The following CDK14 variants were observed in gnomAD, a reference collection of about 807,000 sequenced individuals.
The protein encoded by CDK14 is cyclin dependent kinase 14, also known as cyclin-dependent kinase 14.
Under a neutral mutation model 60.7 loss-of-function variants are expected in CDK14, and 34 were observed. The observed-to-expected ratio is 0.56, with a 90% confidence interval of 0.43 to 0.75. CDK14 has a LOEUF of 0.75. Among genes scored for constraint, CDK14 ranks in the 30% least tolerant of loss-of-function variants. CDK14 has a pLI of 0.00. For missense variants in CDK14, 482 were observed against 564.1 expected (o/e 0.85, Z 1.47); for synonymous variants, 197 against 203.7 (o/e 0.97, Z 0.28).
At chr7:90,776,308 G>A (rs1039317976) in intron 4 of CDK14, among the ~76,000 whole-genome samples, 2 of 152,240 alleles carry the variant, frequency 1.3e-5, no homozygotes, top group South Asian at 2.1e-4. Flanking sequence ...CTCAAGGGCT[G>A]TATGCATGTT....
At chr7:90,658,678 A>T (rs945065071) in intron 2 of CDK14, among the ~76,000 whole-genome samples, 8 of 152,272 alleles carry the variant, frequency 5.3e-5, no homozygotes, top group South Asian at 2.1e-4. Flanking sequence ...TGGATAGGAC[A>T]CATTTTGTTT....
At chr7:90,604,356 C>T (rs576496150) in intron 2 of CDK14, 107 bp downstream of exon 2, 7 of 560,694 alleles carry the variant, frequency 1.2e-5, no homozygotes, top group African/African-American at 2.0e-5. Flanking sequence ...CTTTAAAACG[C>T]GAGATAACAT....
At chr7:91,112,152 C>G (rs982985082) in intron 12 of CDK14, among the ~76,000 whole-genome samples, 7 of 152,018 alleles carry the variant, frequency 4.6e-5, no homozygotes, top group African/African-American at 1.7e-4. Flanking sequence ...TATTTTAATT[C>G]TTTAGTATTT....
Position 91,162,684 on chromosome 7 carries a change from T to G in CDK14, c.*28+44476T>G, listed in dbSNP as rs536591943. On this transcript the variant is annotated intron_variant, in intron 14 of 14. Coordinates refer to ENST00000380050, the MANE Select transcript of CDK14 (RefSeq NM_001287135.2). ...CCTCTCTACACTTCTGGTTCCTCAT[T>G]TACCATATGAAGAAAATAATAGTCA... Among the ~76,000 whole-genome samples the G allele has an allele frequency of 3.3e-5, 5 of 152,318 alleles. No individual in the cohort carries two copies. The South Asian group carries it at 1.0e-3, about 32-fold the overall frequency.
At chr7:91,033,075 C>T (rs1219127700) in intron 10 of CDK14, among the ~76,000 whole-genome samples, 3 of 152,130 alleles carry the variant, frequency 2.0e-5, no homozygotes, top group Non-Finnish European at 2.9e-5. Context: ...TTGACATACG[C>T]GTGAGGATTT....
chr7:90,787,296 C>T (rs1805635743), intron 4 of CDK14, among the ~76,000 whole-genome samples: 1 of 150,956 alleles, frequency 6.6e-6, no homozygotes, highest in African/African-American at 2.4e-5. Flanking sequence ...CTGCTGGATG[C>T]AAAAAGGTTA....
At chr7:91,045,808 A>C in intron 10 of CDK14, 89 bp from the exon 11 acceptor site, 1 of 777,710 alleles carries the variant, frequency 1.3e-6, no homozygotes, top group South Asian at 1.6e-5. Flanking sequence ...GAGTTTCATA[A>C]TATGTAGTGT....
intron 5 of CDK14, among the ~76,000 whole-genome samples, chr7:90,855,259 A>G (rs897569176): frequency 6.6e-6 from 1 of 152,228 alleles, no homozygotes; most frequent in Non-Finnish European, 1.5e-5. Flanking sequence ...AGAGATCCTT[A>G]ATATACATAT....
chr7:91,190,076 C>T (rs868324973), intron 14 of CDK14, among the ~76,000 whole-genome samples: 4 of 152,188 alleles, frequency 2.6e-5, no homozygotes, highest in Non-Finnish European at 5.9e-5. Context: ...ATAGACATGA[C>T]AGACATTGTA....
intron 8 of CDK14, among the ~76,000 whole-genome samples, chr7:90,947,493 C>T (rs948491213): frequency 2.0e-5 from 3 of 152,136 alleles, no homozygotes; most frequent in South Asian, 2.1e-4. Flanking sequence ...AATAATCTTA[C>T]GACACTCTAA....
At chr7:90,965,014 A>G (rs1350997788) in intron 9 of CDK14, among the ~76,000 whole-genome samples, 1 of 152,204 alleles carries the variant, frequency 6.6e-6, no homozygotes, top group African/African-American at 2.4e-5. Context: ...TCTCAAACAC[A>G]ACAGCAAATC....
chr7:91,040,880 GAT>G (rs1175876029), intron 10 of CDK14, among the ~76,000 whole-genome samples: 2 of 152,256 alleles, frequency 1.3e-5, no homozygotes, highest in African/African-American at 2.4e-5. Context: ...TGGAACTAGT[GAT>G]AGTTTAGAAA....
intron 11 of CDK14, among the ~76,000 whole-genome samples, chr7:91,058,837 T>G (rs1211718174): frequency 6.6e-6 from 1 of 152,244 alleles, no homozygotes; most frequent in Admixed American, 6.5e-5. Context: ...TGCATCAATG[T>G]TTATCACGGA....
chr7:91,132,942 ATTATT>A (rs1405963271), intron 14 of CDK14, among the ~76,000 whole-genome samples: 1 of 152,162 alleles, frequency 6.6e-6, no homozygotes, highest in Non-Finnish European at 1.5e-5. Context: ...TAATATGTAA[ATTATT>A]TTAAGTTAAA....
chr7:90,902,902 A>G (rs1792562884), intron 7 of CDK14, among the ~76,000 whole-genome samples: 1 of 152,112 alleles, frequency 6.6e-6, no homozygotes, highest in Non-Finnish European at 1.5e-5. Context: ...AGCAAAAGAA[A>G]CAAACTCGTT....
intron 10 of CDK14, 127 bp downstream of exon 10, chr7:90,984,368 A>T (rs1795319838): frequency 1.5e-6 from 1 of 655,486 alleles, no homozygotes; most frequent in Admixed American, 2.5e-5. Context: ...GTTCTAACAT[A>T]TTTTGGACCT....
chr7:90,819,485 GT>G (rs898527048), intron 5 of CDK14, among the ~76,000 whole-genome samples: 1,453 of 143,516 alleles, frequency 0.01, 12 homozygotes, highest in Non-Finnish European at 0.013. Flanking sequence ...TCCCTTTGGA[GT>G]TTTTTTTTTT....
chr7:90,666,248 T>C (rs187575886), intron 2 of CDK14: 1 of 152,314 alleles, frequency 6.6e-6, no homozygotes, highest in African/African-American at 2.4e-5. Flanking sequence ...AGCTCAGATA[T>C]CTTTTCTTAA....
At chr7:90,818,355 T>C (rs1243229168) in intron 5 of CDK14, among the ~76,000 whole-genome samples, 18 of 152,204 alleles carry the variant, frequency 1.2e-4, no homozygotes, top group Admixed American at 1.2e-3. Flanking sequence ...AAAATATTTT[T>C]AAGTTGTTGC....
Sources: allele counts gnomAD v4.1 joint callset (sites outside exome capture counted in the v4.1 genomes callset), GRCh38; gene constraint gnomAD v4.1.1; transcripts MANE v1.5; gene names NCBI Gene and HGNC (gene_info 2026-07-23, HGNC 2026-07-21).